The following DHX34 variants were observed in gnomAD, a reference collection of about 807,000 sequenced individuals.
DHX34 encodes the protein probable ATP-dependent RNA helicase DHX34.
DHX34 carries 96 observed loss-of-function variants against 111.1 expected under a neutral mutation model. The ratio of observed to expected loss-of-function variants is 0.86; its 90% CI spans 0.73 to 1.02. The LOEUF is 1.02. Among genes scored for constraint, DHX34 ranks in the 50% least tolerant of loss-of-function variants. DHX34 has a pLI of 0.00. For missense variants in DHX34, 1,560 were observed against 1,579.9 expected (o/e 0.99, Z 0.21); for synonymous variants, 688 against 670.4 (o/e 1.03, Z -0.41).
chr19:47,379,217 A>C (rs1180151326), intron 13 of DHX34, among the ~76,000 whole-genome samples: 1 of 152,178 alleles, frequency 6.6e-6, no homozygotes, highest in Non-Finnish European at 1.5e-5. Context: ...CAGTATATGG[A>C]GCCCTCCTGT....
At chr19:47,372,178 G>A (rs2694559) in intron 7 of DHX34, among the ~76,000 whole-genome samples, 10,471 of 151,216 alleles carry the variant, frequency 0.069, 407 homozygotes, top group East Asian at 0.11. Flanking sequence ...CCATGTCTTC[G>A]CCTTCTGTCC....
chr19:47,377,446 G>T (rs1180683717), intron 13 of DHX34, among the ~76,000 whole-genome samples: 1 of 147,688 alleles, frequency 6.8e-6, no homozygotes, highest in East Asian at 2.0e-4. Context: ...GGCGCAGCAG[G>T]GAACCAGGCA....
intron 7 of DHX34, among the ~76,000 whole-genome samples, chr19:47,367,894 T>TC (rs1969840879): frequency 2.9e-5 from 2 of 69,512 alleles, no homozygotes; most frequent in South Asian, 9.1e-4. Flanking sequence ...AGACTCCATC[T>TC]CAAAAAAAAA....
intron 10 of DHX34, 80 bp from the exon 11 acceptor site, chr19:47,375,844 C>A (rs1421476915): frequency 5.1e-5 from 79 of 1,541,584 alleles, no homozygotes; most frequent in Non-Finnish European, 1.7e-6. Context: ...TCCCAGGTAT[C>A]TGCAGAGCCT....
chr19:47,375,274 G>C, intron 9 of DHX34, 192 bp from the exon 10 acceptor site: 1 of 985,426 alleles, frequency 1.0e-6, no homozygotes, highest in Non-Finnish European at 1.2e-6. Context: ...CCTGGCCCCG[G>C]TGTTCCCTCC....
intron 6 of DHX34, among the ~76,000 whole-genome samples, chr19:47,365,581 AACTCAT>A (rs1969766021): frequency 6.6e-6 from 1 of 152,140 alleles, no homozygotes; most frequent in African/African-American, 2.4e-5. Context: ...GTATTGGGTG[AACTCAT>A]AGACGGCATC....
intron 6 of DHX34, among the ~76,000 whole-genome samples, chr19:47,364,839 G>T (rs539108147): frequency 1.2e-3 from 180 of 152,162 alleles, no homozygotes; most frequent in Non-Finnish European, 2.2e-3. Flanking sequence ...CACACAGCTG[G>T]CAAGTAGTAG....
At chr19:47,364,268 G>A (rs922413771) in intron 6 of DHX34, among the ~76,000 whole-genome samples, 14 of 152,166 alleles carry the variant, frequency 9.2e-5, no homozygotes, top group African/African-American at 2.2e-4. Flanking sequence ...ACGCCCAACC[G>A]TGAAGGAGGC....
Position 47,359,841 on chromosome 19 carries a change from A to G in DHX34, c.1273-127A>G. 2.6e-6 allele frequency: 4 copies of G among 1,540,608 alleles called. No homozygotes were observed. In the East Asian group the frequency reaches 6.9e-5, roughly 27 times the overall value. ...GGGGTGGACGGTGAGCCATCTCCAA[A>G]AGGGAGGTCTCTGAAGGAGGAAAGG... On this transcript the variant is annotated intron_variant, in intron 4 of 16. Coordinates refer to ENST00000328771, the MANE Select transcript of DHX34 (RefSeq NM_014681.6).
chr19:47,361,861 C>G (rs1969641581), intron 5 of DHX34, among the ~76,000 whole-genome samples: 1 of 152,148 alleles, frequency 6.6e-6, no homozygotes, highest in Admixed American at 6.6e-5. Context: ...AGACTAGGAC[C>G]TTTGTTTAGC....
intron 9 of DHX34, chr19:47,375,252 C>T (rs1292476245): frequency 1.0e-6 from 1 of 982,234 alleles, no homozygotes; most frequent in Non-Finnish European, 1.2e-6. Context: ...CCCGCACCTG[C>T]CTCCTCTTGC....
At chr19:47,363,690 C>T (rs1969701364) in intron 6 of DHX34, among the ~76,000 whole-genome samples, 1 of 151,828 alleles carries the variant, frequency 6.6e-6, no homozygotes, top group Admixed American at 6.6e-5. Context: ...TGGTGGTGTG[C>T]ACCTGTAAGC....
At chr19:47,372,401 G>T (rs748720724) in intron 7 of DHX34, among the ~76,000 whole-genome samples, 2 of 152,108 alleles carry the variant, frequency 1.3e-5, no homozygotes, top group Non-Finnish European at 2.9e-5. Context: ...GCATCAGAGC[G>T]CTGGGGGAGT....
chr19:47,376,994 G>A, intron 12 of DHX34, 106 bp from the exon 13 acceptor site: 1 of 1,579,494 alleles, frequency 6.3e-7, no homozygotes, highest in Non-Finnish European at 8.6e-7. Context: ...CATGCCGTAA[G>A]CATACTCTTT....
At chr19:47,375,172 C>A (rs1970095346) in intron 9 of DHX34, among the ~76,000 whole-genome samples, 1 of 152,192 alleles carries the variant, frequency 6.6e-6, no homozygotes, top group African/African-American at 2.4e-5. Flanking sequence ...AAGCAGGGCC[C>A]CCCAGACCCA....
At chr19:47,377,963 G>A (rs1054594108) in intron 13 of DHX34, among the ~76,000 whole-genome samples, 1 of 152,102 alleles carries the variant, frequency 6.6e-6, no homozygotes, top group Non-Finnish European at 1.5e-5. Flanking sequence ...GCCTGGCCTC[G>A]GAGTCCTCAC....
At position 47,381,426 on chromosome 19, in the gene DHX34, T is replaced by C. The variant is rs1463955326; in HGVS notation, c.3298+102T>C. The stretch of plus-strand genomic sequence containing the variant: ...GAGCACTTGCTAGAGCTTCGAGGAC[T>C]GACGACCTCCACCCGCTGGCCCTGG... On this transcript the variant is annotated intron_variant, in intron 16 of 16. Coordinates refer to ENST00000328771, the MANE Select transcript of DHX34 (RefSeq NM_014681.6). 3.4e-6 allele frequency: 5 copies of C among 1,478,624 alleles called. No individual in the cohort carries two copies. The African/African-American group carries it at 5.6e-5, about 17-fold the overall frequency. 91.6% of individuals were successfully genotyped at this position (1,478,624 alleles called of 1,614,324 possible). A position where few individuals can be genotyped will look rare whatever the true frequency, so the allele number is the denominator to read the frequency against.
intron 6 of DHX34, among the ~76,000 whole-genome samples, chr19:47,365,709 C>A (rs1969769894): frequency 6.6e-6 from 1 of 152,168 alleles, no homozygotes; most frequent in African/African-American, 2.4e-5. Flanking sequence ...GCTTCCTTCT[C>A]GCTCTCTGGC....
intron 16 of DHX34, chr19:47,381,539 C>G: frequency 1.5e-6 from 1 of 651,706 alleles, no homozygotes; most frequent in Non-Finnish European, 2.6e-6. Flanking sequence ...CTGCCTGTCC[C>G]CTGTGGTGTC....
Sources: gnomAD v4.1 joint callset for allele counts (sites outside exome capture counted in the v4.1 genomes callset) on GRCh38, gnomAD v4.1.1 for gene constraint, MANE v1.5 for transcripts, NCBI Gene and HGNC (gene_info 2026-07-23, HGNC 2026-07-21) for gene names.